TTBK2: variants seen among roughly 807,000 people sequenced by gnomAD.
TTBK2 encodes tau-tubulin kinase 2.
In TTBK2, 28 loss-of-function variants were observed where a neutral mutation model predicts 110.8. The observed-to-expected ratio is 0.25, with a 90% CI of 0.19 to 0.35. The LOEUF is 0.35. Ranked by LOEUF, TTBK2 falls within the 10% of genes least tolerant of loss-of-function variation. The pLI, the probability that TTBK2 is intolerant of heterozygous loss-of-function variation, is 1.00. For synonymous variants in TTBK2, 532 were observed against 527.3 expected (o/e 1.01, Z -0.12); for missense variants, 1,369 against 1,500.3 (o/e 0.91, Z 1.45).
chr15:42,764,856 G>A (rs1347437863), intron 13 of TTBK2, among the ~76,000 whole-genome samples: 1 of 152,252 alleles, frequency 6.6e-6, no homozygotes, highest in Non-Finnish European at 1.5e-5. Flanking sequence ...CCTCCCAGTA[G>A]GGGCTGAGTG....
intron 13 of TTBK2, among the ~76,000 whole-genome samples, chr15:42,770,072 G>GT (rs1388878953): frequency 6.8e-6 from 1 of 148,080 alleles, no homozygotes; most frequent in African/African-American, 2.5e-5. Flanking sequence ...TGGACACAGG[G>GT]TGGGGAACAT....
chr15:42,876,294 A>C (rs963006659), intron 2 of TTBK2, among the ~76,000 whole-genome samples: 3 of 152,060 alleles, frequency 2.0e-5, no homozygotes, highest in African/African-American at 7.2e-5. Flanking sequence ...CAAATTTTGG[A>C]GATAAGTTGC....
chr15:42,893,115 A>G (rs563607516), intron 1 of TTBK2, among the ~76,000 whole-genome samples: 4 of 152,216 alleles, frequency 2.6e-5, no homozygotes, highest in African/African-American at 4.8e-5. Context: ...AAATTAGAAA[A>G]TATTTGAATT....
intron 13 of TTBK2, 58 bp from the exon 14 acceptor site, chr15:42,753,305 A>C: frequency 1.3e-6 from 2 of 1,509,342 alleles, no homozygotes; most frequent in Non-Finnish European, 1.8e-6. Flanking sequence ...ACAAAGATGC[A>C]TGCTTTGAGA....
chr15:42,779,799 G>A (rs1022011410), intron 11 of TTBK2, among the ~76,000 whole-genome samples: 1 of 151,932 alleles, frequency 6.6e-6, no homozygotes, highest in Non-Finnish European at 1.5e-5. Context: ...TGGCCAATAC[G>A]GTGAAGCCCC....
chr15:42,846,304 C>G (rs1242841283), intron 3 of TTBK2, among the ~76,000 whole-genome samples: 1 of 151,924 alleles, frequency 6.6e-6, no homozygotes, highest in African/African-American at 2.4e-5. Context: ...ATTCTCGTGC[C>G]TCAGCCTCCC....
intron 1 of TTBK2, among the ~76,000 whole-genome samples, chr15:42,900,815 A>G (rs568785064): frequency 6.6e-6 from 1 of 152,288 alleles, no homozygotes; most frequent in African/African-American, 2.4e-5. Flanking sequence ...TACAGAAAAC[A>G]TGTATTTTTA....
intron 1 of TTBK2, among the ~76,000 whole-genome samples, chr15:42,880,521 G>T (rs915932708): frequency 2.6e-5 from 4 of 152,068 alleles, no homozygotes; most frequent in Admixed American, 6.6e-5. Context: ...CAAGGAGCTG[G>T]GACTACAGGC....
chr15:42,799,144 C>T (rs756046403), intron 9 of TTBK2, among the ~76,000 whole-genome samples: 57 of 151,986 alleles, frequency 3.8e-4, no homozygotes, highest in African/African-American at 1.2e-3. Flanking sequence ...CCAAGGCGAG[C>T]GGATCACGAG....
At chr15:42,856,852 G>A (rs1893964742) in intron 3 of TTBK2, among the ~76,000 whole-genome samples, 1 of 152,156 alleles carries the variant, frequency 6.6e-6, no homozygotes, top group Non-Finnish European at 1.5e-5. Context: ...CCTGAGGTCA[G>A]GCATTCAAGA....
At chr15:42,803,196 A>G (rs754714743) in intron 9 of TTBK2, among the ~76,000 whole-genome samples, 14 of 152,210 alleles carry the variant, frequency 9.2e-5, no homozygotes, top group Non-Finnish European at 1.9e-4. Flanking sequence ...AGCCTATTAC[A>G]CACCTAGGCT....
chr15:42,913,146 A>G lies in TTBK2; in HGVS notation c.-68+7292T>C, dbSNP rs1048098759. ...GACTCCGTCTCAAAAAAAAAAAAAA[A>G]AAAAAAAAAGAGCTCCTCTGAAGAG... On this transcript the variant is annotated intron_variant, in intron 1 of 14. Coordinates refer to ENST00000267890, the MANE Select transcript of TTBK2 (RefSeq NM_173500.4). Among the ~76,000 whole-genome samples the G allele has an allele frequency of 9.9e-5, 15 of 151,264 alleles. No individual in the cohort carries two copies. The East Asian group carries it at 2.7e-3, about 27-fold the overall frequency.
chr15:42,767,771 C>T (rs918775963), intron 13 of TTBK2, among the ~76,000 whole-genome samples: 18 of 152,172 alleles, frequency 1.2e-4, no homozygotes, highest in South Asian at 4.1e-4. Context: ...ATGAGGCCAG[C>T]GTCATCCTGA....
chr15:42,821,832 G>A (rs933235980), intron 6 of TTBK2, among the ~76,000 whole-genome samples: 1 of 151,756 alleles, frequency 6.6e-6, no homozygotes. Context: ...TGGGACTACA[G>A]GGTGCCCGCC....
chr15:42,882,472 G>A (rs868318476), intron 1 of TTBK2, among the ~76,000 whole-genome samples: 1 of 151,376 alleles, frequency 6.6e-6, no homozygotes, highest in Middle Eastern at 3.2e-3. Flanking sequence ...ATATTAGCCA[G>A]GTGTGGTGGT....
chr15:42,815,931 A>AATATATATATATTTAAAAAT (rs1891943113), intron 7 of TTBK2, among the ~76,000 whole-genome samples: 4 of 50,562 alleles, frequency 7.9e-5, no homozygotes, highest in African/African-American at 9.4e-5. Flanking sequence ...TATATTTAAA[A>AATATATATATATTTAAAAAT]ATATATATAT....
In TTBK2 at chr15:42,739,245, A is replaced by C. The variant is rs1441049651; in HGVS notation, c.*6550T>G. 1 of 152,204 alleles carries C rather than the reference A, an allele frequency of 6.6e-6. No homozygotes were observed. Among genetic ancestry groups the C allele is most frequent in the African/African-American group, 2.4e-5 (1 of 41,456 alleles). 9.4% of individuals were successfully genotyped at this position (152,204 alleles called of 1,614,324 possible). A position where few individuals can be genotyped will look rare whatever the true frequency, so the allele number is the denominator to read the frequency against. On this transcript the variant is annotated 3_prime_UTR_variant, in exon 15 of 15. Transcript: ENST00000267890. ...TAAAACGCCTCTGGAGGTATTTCAA[A>C]GAGTAGTTTCTCATCTCTCTGATTT...
chr15:42,782,329 C>T (rs540207971), intron 11 of TTBK2, among the ~76,000 whole-genome samples: 1 of 152,314 alleles, frequency 6.6e-6, no homozygotes, highest in Admixed American at 6.5e-5. Flanking sequence ...ACCTTGGCCT[C>T]CCAAAGTGCT....
At chr15:42,796,277 G>A (rs540407369) in intron 9 of TTBK2, among the ~76,000 whole-genome samples, 1 of 152,288 alleles carries the variant, frequency 6.6e-6, no homozygotes, top group South Asian at 2.1e-4. Context: ...GGTGGCAGGT[G>A]CCTGTAGTCC....
Sources: allele counts gnomAD v4.1 joint callset (sites outside exome capture counted in the v4.1 genomes callset), GRCh38; gene constraint gnomAD v4.1.1; transcripts MANE v1.5; gene names NCBI Gene and HGNC (gene_info 2026-07-23, HGNC 2026-07-21).